Variants in WWOX observed in about 807,000 individuals in gnomAD.
The protein encoded by WWOX is WW domain containing oxidoreductase.
A neutral mutation model predicts 46.2 loss-of-function variants in WWOX; 69 were observed. That is an observed-to-expected ratio of 1.49 (90% CI 1.23 to 1.82). WWOX has a LOEUF of 1.82. Ranked by LOEUF, WWOX falls within the 40% of genes most tolerant of loss-of-function variation. The pLI is 0.00. For missense variants in WWOX, 919 were observed against 542.6 expected, an observed-to-expected ratio of 1.69 and a Z score of -6.89; for synonymous variants, 359 against 202.6, an observed-to-expected ratio of 1.77 and a Z score of -6.56.
intron 8 of WWOX, among the ~76,000 whole-genome samples, chr16:78,456,545 A>T (rs1351414965): frequency 6.6e-6 from 1 of 152,188 alleles, no homozygotes; most frequent in Non-Finnish European, 1.5e-5. Flanking sequence ...GATAGAGCTA[A>T]TATAGAACAA....
In WWOX at chr16:79,211,594, T is replaced by TTCTC. The variant is rs751116802; in HGVS notation, c.1057-14_1057-13insTCTC. 3 of 1,614,068 alleles carry TTCTC rather than the reference T, an allele frequency of 1.9e-6. No homozygotes were observed. Among genetic ancestry groups the TTCTC allele is most frequent in the South Asian group, 1.1e-5 (1 of 91,066 alleles). On this transcript the variant is annotated splice_polypyrimidine_tract_variant and intron_variant, in intron 8 of 8. Transcript: ENST00000566780. ...TCTTAAAATTTTTTTTTGTCTTTCT[T>TTCTC]CTTGGATTTCCAGCAACAGGGAGCT...
At chr16:78,360,103 A>G (rs1409822843) in intron 5 of WWOX, among the ~76,000 whole-genome samples, 1 of 152,246 alleles carries the variant, frequency 6.6e-6, no homozygotes, top group African/African-American at 2.4e-5. Flanking sequence ...AAAGAAAAAC[A>G]CATTAAAAAC....
chr16:78,621,717 G>T (rs750241346), intron 8 of WWOX, among the ~76,000 whole-genome samples: 2 of 143,960 alleles, frequency 1.4e-5, no homozygotes, highest in African/African-American at 5.2e-5. Flanking sequence ...CCATTCTCCT[G>T]CCTCAGCCTG....
At chr16:78,408,833 G>C in intron 6 of WWOX, among the ~76,000 whole-genome samples, 1 of 152,202 alleles carries the variant, frequency 6.6e-6, no homozygotes, top group East Asian at 1.9e-4. Context: ...CTGGGAACGA[G>C]TGAGGGATTC....
chr16:78,869,503 A>G (rs2044079982), intron 8 of WWOX, among the ~76,000 whole-genome samples: 1 of 152,246 alleles, frequency 6.6e-6, no homozygotes, highest in South Asian at 2.1e-4. Context: ...AACAATTTAG[A>G]TGAAGGATGT....
At chr16:78,545,409 G>A (rs975797054) in intron 8 of WWOX, among the ~76,000 whole-genome samples, 1 of 152,114 alleles carries the variant, frequency 6.6e-6, no homozygotes, top group Non-Finnish European at 1.5e-5. Context: ...AAAGAGATGG[G>A]ATTTCATTAT....
chr16:78,927,076 A>C (rs1597160942), intron 8 of WWOX, among the ~76,000 whole-genome samples: 2 of 152,324 alleles, frequency 1.3e-5, no homozygotes, highest in African/African-American at 4.8e-5. Flanking sequence ...AATTATAGGC[A>C]TGAGCCACCA....
At chr16:78,535,927 G>T (rs376374419) in intron 8 of WWOX, among the ~76,000 whole-genome samples, 1 of 152,130 alleles carries the variant, frequency 6.6e-6, no homozygotes, top group Non-Finnish European at 1.5e-5. Flanking sequence ...ACAGTGGACC[G>T]TGAGGTTCTG....
chr16:78,775,981 G>C (rs1373793514), intron 8 of WWOX, among the ~76,000 whole-genome samples: 1 of 152,170 alleles, frequency 6.6e-6, no homozygotes, highest in Non-Finnish European at 1.5e-5. Flanking sequence ...ACACTTACTA[G>C]GTTTCTCATT....
At chr16:79,134,827 G>C (rs915469263) in intron 8 of WWOX, among the ~76,000 whole-genome samples, 1 of 152,156 alleles carries the variant, frequency 6.6e-6, no homozygotes, top group Non-Finnish European at 1.5e-5. Context: ...GACACGGGAT[G>C]GCCTAATGGG....
intron 8 of WWOX, among the ~76,000 whole-genome samples, chr16:79,083,865 C>T (rs1425513367): frequency 2.0e-5 from 3 of 152,194 alleles, no homozygotes; most frequent in African/African-American, 7.2e-5. Flanking sequence ...TGTTCATCCT[C>T]CTATTTTGTT....
At chr16:79,028,075 C>A (rs768714319) in intron 8 of WWOX, among the ~76,000 whole-genome samples, 2 of 151,748 alleles carry the variant, frequency 1.3e-5, no homozygotes, top group South Asian at 2.1e-4. Flanking sequence ...CTCTGCCTCC[C>A]GAGTAGCTGA....
At chr16:78,886,762 C>G (rs369231530) in intron 8 of WWOX, among the ~76,000 whole-genome samples, 1 of 151,800 alleles carries the variant, frequency 6.6e-6, no homozygotes, top group African/African-American at 2.4e-5. Context: ...AATTAAAGCA[C>G]AAGGAAAGGC....
At chr16:78,445,530 G>A (rs2083540009) in intron 8 of WWOX, among the ~76,000 whole-genome samples, 1 of 152,164 alleles carries the variant, frequency 6.6e-6, no homozygotes, top group Admixed American at 6.5e-5. Flanking sequence ...TTCAGCCCAG[G>A]AAGGAGCTTT....
At chr16:78,542,070 A>G (rs886505392) in intron 8 of WWOX, among the ~76,000 whole-genome samples, 4 of 145,762 alleles carry the variant, frequency 2.7e-5, no homozygotes, top group African/African-American at 1.0e-4. Flanking sequence ...ACCCCAGCTT[A>G]GGACCTGGAC....
rs1044663645 is a variant in WWOX at position 78,597,420 on chromosome 16, C to T, written c.1056+164668C>T. 7.2e-5 allele frequency among the ~76,000 whole-genome samples: 11 copies of T among 152,208 alleles called. 1 individual carries two copies. The South Asian group carries it at 8.3e-4, about 12-fold the overall frequency. On this transcript the variant is annotated intron_variant, in intron 8 of 8. Coordinates refer to ENST00000566780, the MANE Select transcript of WWOX (RefSeq NM_016373.4). ...CATCATTTTGTAGGCAGTGAGTGCC[C>T]GCATCAGTGGGCGTTTTATGTTGCA... is the stretch of plus-strand genomic sequence containing the variant.
At chr16:78,174,575 T>C (rs980232798) in intron 5 of WWOX, among the ~76,000 whole-genome samples, 1 of 152,192 alleles carries the variant, frequency 6.6e-6, no homozygotes, top group Non-Finnish European at 1.5e-5. Flanking sequence ...ATCCCCAAAA[T>C]CTTAACTCAT....
intron 8 of WWOX, among the ~76,000 whole-genome samples, chr16:78,942,213 G>T (rs1025791323): frequency 6.6e-6 from 1 of 152,144 alleles, no homozygotes; most frequent in African/African-American, 2.4e-5. Flanking sequence ...AAAGAGTTTG[G>T]TATAGTCAAT....
intron 8 of WWOX, among the ~76,000 whole-genome samples, chr16:78,737,761 A>C (rs1436897579): frequency 6.6e-6 from 1 of 151,902 alleles, no homozygotes; most frequent in Admixed American, 6.6e-5. Context: ...TTTCTTCCTC[A>C]CCTGATTTCC....
Sources: allele counts gnomAD v4.1 joint callset (sites outside exome capture counted in the v4.1 genomes callset), GRCh38; gene constraint gnomAD v4.1.1; transcripts MANE v1.5; gene names NCBI Gene and HGNC (gene_info 2026-07-23, HGNC 2026-07-21).